Variants in CCDC91 observed in about 807,000 individuals in gnomAD.
CCDC91 encodes coiled-coil domain-containing protein 91.
In CCDC91, 48 loss-of-function variants were observed where a neutral mutation model predicts 63.2. The ratio of observed to expected loss-of-function variants is 0.76; its 90% CI spans 0.60 to 0.97. The LOEUF is 0.97. Among genes scored for constraint, CCDC91 ranks in the 50% least tolerant of loss-of-function variants. The probability of loss-of-function intolerance (pLI) is 0.00; values close to 1 mark genes in which losing one functional copy is unlikely to be tolerated. For synonymous variants in CCDC91, 167 were observed against 165.8 expected (o/e 1.01, Z -0.06); for missense variants, 500 against 494.6 (o/e 1.01, Z -0.10).
intron 3 of CCDC91, among the ~76,000 whole-genome samples, chr12:28,291,481 A>G (rs559270175): frequency 1.3e-5 from 2 of 152,222 alleles, no homozygotes; most frequent in South Asian, 2.1e-4. Flanking sequence ...TACTTCTCAG[A>G]TGTAGTGGTT....
intron 7 of CCDC91, among the ~76,000 whole-genome samples, chr12:28,369,295 G>C (rs542006319): frequency 6.6e-6 from 1 of 152,270 alleles, no homozygotes; most frequent in East Asian, 1.9e-4. Flanking sequence ...CCAAAAAAAA[G>C]TAGCTACAGG....
intron 1 of CCDC91, among the ~76,000 whole-genome samples, chr12:28,194,675 T>C (rs1187709008): frequency 3.3e-5 from 5 of 151,962 alleles, no homozygotes; most frequent in Admixed American, 2.6e-4. Flanking sequence ...CTTGCTGGCT[T>C]CAGGAGTGAA....
At chr12:28,510,395 G>T (rs1330964443) in intron 12 of CCDC91, among the ~76,000 whole-genome samples, 1 of 151,824 alleles carries the variant, frequency 6.6e-6, no homozygotes, top group Non-Finnish European at 1.5e-5. Flanking sequence ...AGAACTGATG[G>T]TGTAAATTCC....
intron 1 of CCDC91, among the ~76,000 whole-genome samples, chr12:28,231,539 T>G (rs897129187): frequency 6.6e-6 from 1 of 152,202 alleles, no homozygotes; most frequent in African/African-American, 2.4e-5. Context: ...GTGGGTTTTC[T>G]TTGTATTTTA....
At chr12:28,456,024 C>G (rs1451499341) in intron 11 of CCDC91, among the ~76,000 whole-genome samples, 2 of 152,080 alleles carry the variant, frequency 1.3e-5, no homozygotes, top group African/African-American at 2.4e-5. Context: ...TTCCATCTCC[C>G]TGTGTTCTCA....
chr12:28,249,303 T>A (rs545970441), intron 1 of CCDC91, among the ~76,000 whole-genome samples: 38 of 152,274 alleles, frequency 2.5e-4, no homozygotes, highest in African/African-American at 8.7e-4. Flanking sequence ...ATATTATTGG[T>A]GGTTCCTGGG....
chr12:28,259,401 AAAC>A lies in CCDC91; in HGVS notation c.73_75del (p.Thr25del). The A allele has an allele frequency of 6.2e-7, 1 of 1,612,140 alleles. No individual in the cohort carries two copies. Among genetic ancestry groups the A allele is most frequent in the Non-Finnish European group, 8.5e-7 (1 of 1,178,758 alleles). On this transcript the variant is annotated inframe_deletion, in exon 3 of 13. Transcript: ENST00000536442. ...TTTGATGGTGGAAGTGGTGAAACCC[AAAC>A]AACATCTCCTGCTATTCCTTGGGCT... is the stretch of plus-strand genomic sequence containing the variant.
chr12:28,293,807 C>T (rs1949391080), intron 3 of CCDC91, among the ~76,000 whole-genome samples: 1 of 151,974 alleles, frequency 6.6e-6, no homozygotes, highest in Non-Finnish European at 1.5e-5. Flanking sequence ...TAGTTCACTG[C>T]AGCTGCGAAC....
chr12:28,246,196 G>A (rs1157310556), intron 1 of CCDC91, among the ~76,000 whole-genome samples: 1 of 152,066 alleles, frequency 6.6e-6, no homozygotes, highest in Admixed American at 6.6e-5. Flanking sequence ...TATGCTTTTT[G>A]GTAGTAAATA....
chr12:28,267,233 G>A (rs780672925), intron 3 of CCDC91, among the ~76,000 whole-genome samples: 16 of 151,524 alleles, frequency 1.1e-4, no homozygotes, highest in South Asian at 4.2e-4. Flanking sequence ...CAATTGTGTC[G>A]TGTCTATTTT....
chr12:28,201,632 C>T (rs879245117), intron 1 of CCDC91, among the ~76,000 whole-genome samples: 25 of 146,482 alleles, frequency 1.7e-4, no homozygotes, highest in Admixed American at 2.0e-4. Context: ...GGGTGGCGGC[C>T]GGGCAGAGGC....
chr12:28,208,980 G>A (rs1388607176), intron 1 of CCDC91, among the ~76,000 whole-genome samples: 1 of 148,446 alleles, frequency 6.7e-6, no homozygotes, highest in Non-Finnish European at 1.5e-5. Flanking sequence ...TTTTTTTTTT[G>A]TATTTTTAGT....
intron 12 of CCDC91, among the ~76,000 whole-genome samples, chr12:28,534,755 T>G (rs1009122820): frequency 1.2e-4 from 18 of 152,182 alleles, no homozygotes; most frequent in African/African-American, 2.4e-5. Context: ...TACTCCTAGC[T>G]CTAATGCTAT....
chr12:28,379,420 T>C (rs1592489601), intron 7 of CCDC91, among the ~76,000 whole-genome samples: 1 of 120,262 alleles, frequency 8.3e-6, no homozygotes, highest in Admixed American at 9.7e-5. Context: ...AGGGCTAATA[T>C]CCAGAATCTA....
chr12:28,417,245 T>G (rs1271875066), intron 8 of CCDC91, among the ~76,000 whole-genome samples: 1 of 152,132 alleles, frequency 6.6e-6, no homozygotes, highest in African/African-American at 2.4e-5. Context: ...TTTCATTTAT[T>G]TTTTCATTTA....
intron 12 of CCDC91, 42 bp from the exon 13 acceptor site, chr12:28,549,020 AT>A (rs200769184): frequency 2.2e-4 from 287 of 1,296,618 alleles, no homozygotes; most frequent in Middle Eastern, 3.7e-4. Flanking sequence ...TCAACTCAGT[AT>A]TTTTTTTTCT....
At position 28,513,155 on chromosome 12, in the gene CCDC91, C is replaced by A. The variant is rs182451480; in HGVS notation, c.1215+28990C>A. Among the ~76,000 whole-genome samples, 209 of 151,888 alleles carry A rather than the reference C, an allele frequency of 1.4e-3. 4 individuals carry two copies. In the East Asian group the frequency reaches 0.019, roughly 14 times the overall value. On this transcript the variant is annotated intron_variant, in intron 12 of 12. Transcript: ENST00000536442. ...TTGAATAAACAAAAGAACATGCAAA[C>A]TATAAAAGAAGGGAAATCCGATGCA...
intron 6 of CCDC91, among the ~76,000 whole-genome samples, chr12:28,352,754 C>T (rs1435381709): frequency 4.0e-5 from 6 of 150,970 alleles, no homozygotes; most frequent in African/African-American, 1.5e-4. Flanking sequence ...AACAGATGTG[C>T]TGTCATCCAC....
At chr12:28,255,704 T>G (rs995137339) in intron 1 of CCDC91, 6 of 152,198 alleles carry the variant, frequency 3.9e-5, no homozygotes, top group African/African-American at 1.4e-4. Flanking sequence ...TCTGGTTAAT[T>G]TAATACCTTT....
Sources: gnomAD v4.1 joint callset for allele counts (sites outside exome capture counted in the v4.1 genomes callset) on GRCh38, gnomAD v4.1.1 for gene constraint, MANE v1.5 for transcripts, NCBI Gene and HGNC (gene_info 2026-07-23, HGNC 2026-07-21) for gene names.